The following DISC1 variants were observed in gnomAD, a reference collection of about 807,000 sequenced individuals.
DISC1 encodes the protein disrupted in schizophrenia 1 protein.
A neutral mutation model predicts 84.5 loss-of-function variants in DISC1; 57 were observed. The observed-to-expected ratio is 0.67, with a 90% CI of 0.55 to 0.84. DISC1 has a LOEUF of 0.84. Ranked by LOEUF, DISC1 falls within the 40% of genes least tolerant of loss-of-function variation. The pLI is 0.00. For synonymous variants in DISC1, 411 were observed against 415.2 expected, an observed-to-expected ratio of 0.99 and a Z score of 0.12; for missense variants, 1,000 against 1,057.8, an observed-to-expected ratio of 0.95 and a Z score of 0.76.
At chr1:231,850,578 A>G (rs1431752621) in intron 9 of DISC1, among the ~76,000 whole-genome samples, 1 of 152,236 alleles carries the variant, frequency 6.6e-6, no homozygotes, top group African/African-American at 2.4e-5. Flanking sequence ...AGAGATATCG[A>G]TCCTGTACGA....
At chr1:231,721,737 C>T (rs1169198583) in intron 3 of DISC1, among the ~76,000 whole-genome samples, 1 of 152,060 alleles carries the variant, frequency 6.6e-6, no homozygotes, top group Non-Finnish European at 1.5e-5. Context: ...ATCCAGAGTA[C>T]TTTGGTTTCC....
chr1:231,966,907 A>C (rs2102796677), intron 10 of DISC1, among the ~76,000 whole-genome samples: 1 of 152,344 alleles, frequency 6.6e-6, no homozygotes, highest in East Asian at 1.9e-4. Context: ...CAAACAAAAA[A>C]TCTTTTAACT....
chr1:231,723,921 C>T, intron 3 of DISC1: 2 of 985,402 alleles, frequency 2.0e-6, no homozygotes, highest in Non-Finnish European at 2.4e-6. Flanking sequence ...ACAATTAATT[C>T]CCTAGGTCAG....
chr1:231,693,404 T>A (rs901842384), intron 1 of DISC1, among the ~76,000 whole-genome samples: 1 of 152,208 alleles, frequency 6.6e-6, no homozygotes, highest in African/African-American at 2.4e-5. Flanking sequence ...GAGTAAATAG[T>A]TGGATCTCAT....
At chr1:231,814,155 TA>T (rs2080636399) in intron 8 of DISC1, among the ~76,000 whole-genome samples, 1 of 152,132 alleles carries the variant, frequency 6.6e-6, no homozygotes, top group South Asian at 2.1e-4. Flanking sequence ...TAAGTAACAA[TA>T]AAAAAGTTAG....
chr1:231,801,919 TAC>T (rs2079301077), intron 8 of DISC1, among the ~76,000 whole-genome samples: 1 of 151,304 alleles, frequency 6.6e-6, no homozygotes, highest in Non-Finnish European at 1.5e-5. Flanking sequence ...CCTGGGTTCA[TAC>T]CATTTTCCTG....
At position 232,036,876 on chromosome 1, in the gene DISC1, C is replaced by G; in HGVS notation, c.*45C>G. On this transcript the variant is annotated 3_prime_UTR_variant, in exon 13 of 13. Transcript: ENST00000439617. Reference sequence around the variant, plus strand: ...GGGAGGTGGGCCACCATGTTTGGACCCGGGGGGCTGCTCTTCCCTCCCCCG... The same window carrying G: ...GGGAGGTGGGCCACCATGTTTGGACGCGGGGGGCTGCTCTTCCCTCCCCCG... The G allele has an allele frequency of 8.3e-6, 12 of 1,452,624 alleles. No homozygotes were observed. Among genetic ancestry groups the G allele is most frequent in the Non-Finnish European group, 1.1e-5 (12 of 1,084,732 alleles). 90.0% of individuals were successfully genotyped at this position (1,452,624 alleles called of 1,614,324 possible).
chr1:231,916,421 G>A (rs998075709), intron 9 of DISC1, among the ~76,000 whole-genome samples: 1 of 151,852 alleles, frequency 6.6e-6, no homozygotes, highest in Non-Finnish European at 1.5e-5. Flanking sequence ...TTGGGAGGCC[G>A]AGGCGGGCGG....
chr1:231,913,462 A>G lies in DISC1; in HGVS notation c.1982-45366A>G, dbSNP rs536249965. Among the ~76,000 whole-genome samples the G allele has an allele frequency of 1.8e-4, 27 of 152,268 alleles. No individual in the cohort carries two copies. The South Asian group carries it at 5.6e-3, about 32-fold the overall frequency. ...AAGGGCTGTATTCCTTTCCTTCTGT[A>G]CATTTCCTTCTTTCCCTGATTGTAG... On this transcript the variant is annotated intron_variant, in intron 9 of 12. Transcript: ENST00000439617.
intron 10 of DISC1, among the ~76,000 whole-genome samples, chr1:231,996,264 G>A (rs943954654): frequency 5.3e-5 from 8 of 152,050 alleles, no homozygotes; most frequent in Non-Finnish European, 8.8e-5. Flanking sequence ...TGAGTAGGTT[G>A]CGAAAATTTT....
At chr1:231,968,517 G>A (rs821599) in intron 10 of DISC1, among the ~76,000 whole-genome samples, 72,057 of 150,148 alleles carry the variant, frequency 0.48, 20,145 homozygotes, top group African/African-American at 0.79. Context: ...GCGTGAACCC[G>A]GGAGGCGGAG....
intron 3 of DISC1, among the ~76,000 whole-genome samples, chr1:231,714,649 G>T (rs1178439921): frequency 1.3e-5 from 2 of 151,394 alleles, no homozygotes; most frequent in African/African-American, 2.4e-5. Flanking sequence ...GAAAGAGATA[G>T]AGAAAGAGAC....
At chr1:232,034,958 C>A (rs1670382779) in intron 12 of DISC1, among the ~76,000 whole-genome samples, 1 of 151,944 alleles carries the variant, frequency 6.6e-6, no homozygotes, top group Admixed American at 6.5e-5. Context: ...CACCCTCCTA[C>A]CCAACTCCCA....
rs764251510 is a variant in DISC1, at chr1:231,694,480, G to C, written c.722G>C (p.Ser241Thr). ...PSREAESHCQSPQEMGAKAAS... is the reference protein window; with the variant it reads ...PSREAESHCQTPQEMGAKAAS... Reference sequence around the variant, plus strand: ...AGAGAGGCTGAGTCCCATTGCCAGAGCCCCCAGGAGATGGGAGCCAAAGCT... The same window carrying C: ...AGAGAGGCTGAGTCCCATTGCCAGACCCCCCAGGAGATGGGAGCCAAAGCT... The change falls in exon 2 of 13, where the codon AGC (serine) becomes ACC (threonine). Residue 241 changes from serine to threonine, a missense_variant. By Grantham distance (58) the Ser-to-Thr change is moderately conservative (BLOSUM62 1). Coordinates refer to ENST00000439617, the MANE Select transcript of DISC1 (RefSeq NM_018662.3). The C allele has an allele frequency of 6.2e-7, 1 of 1,614,280 alleles. No individual in the cohort carries two copies. The highest frequency in any genetic ancestry group is 2.2e-5 in the East Asian group (1 of 44,892).
At chr1:231,998,965 C>T (rs570871280) in intron 10 of DISC1, among the ~76,000 whole-genome samples, 14 of 151,840 alleles carry the variant, frequency 9.2e-5, no homozygotes, top group African/African-American at 2.2e-4. Context: ...TTCTTGTTTG[C>T]GAGGAAGATG....
At chr1:231,873,712 T>C (rs1196663252) in intron 9 of DISC1, among the ~76,000 whole-genome samples, 1 of 152,180 alleles carries the variant, frequency 6.6e-6, no homozygotes, top group Non-Finnish European at 1.5e-5. Context: ...GCCAAGGAAC[T>C]GCAAAACACA....
intron 9 of DISC1, among the ~76,000 whole-genome samples, chr1:231,956,328 A>C (rs553527275): frequency 2.0e-5 from 3 of 152,224 alleles, no homozygotes; most frequent in Admixed American, 2.0e-4. Context: ...TGGTCACATA[A>C]ATTTGTCATG....
chr1:231,671,673 TG>T (rs2062630790), intron 1 of DISC1, among the ~76,000 whole-genome samples: 1 of 152,162 alleles, frequency 6.6e-6, no homozygotes, highest in South Asian at 2.1e-4. Context: ...TTACAGTATT[TG>T]GCAGGTATTC....
chr1:231,690,697 G>A (rs1236369584), intron 1 of DISC1, among the ~76,000 whole-genome samples: 1 of 152,134 alleles, frequency 6.6e-6, no homozygotes, highest in African/African-American at 2.4e-5. Context: ...GAGAAAAAAT[G>A]GCCTTTCGTT....
Sources: allele counts gnomAD v4.1 joint callset (sites outside exome capture counted in the v4.1 genomes callset), GRCh38; gene constraint gnomAD v4.1.1; transcripts MANE v1.5; gene names NCBI Gene and HGNC (gene_info 2026-07-23, HGNC 2026-07-21).